Variants in IQUB observed in about 807,000 individuals in gnomAD.
The protein encoded by IQUB is IQ motif and ubiquitin domain containing.
In IQUB, 86 loss-of-function variants were observed where a neutral mutation model predicts 86.4. That is an observed-to-expected ratio of 1.00 (90% CI 0.84 to 1.19). The LOEUF is 1.19. Ranked by LOEUF, IQUB falls within the 50% of genes most tolerant of loss-of-function variation. The pLI, the probability that IQUB is intolerant of heterozygous loss-of-function variation, is 0.00. For synonymous variants in IQUB, 289 were observed against 304.5 expected, an observed-to-expected ratio of 0.95 and a Z score of 0.53; for missense variants, 946 against 916.9, an observed-to-expected ratio of 1.03 and a Z score of -0.41.
chr7:123,497,822 C>T (rs1249672882), intron 6 of IQUB, among the ~76,000 whole-genome samples: 1 of 150,518 alleles, frequency 6.6e-6, no homozygotes, highest in East Asian at 1.9e-4. Flanking sequence ...ACAAAAGAGG[C>T]CAGTAGAATT....
intron 1 of IQUB, among the ~76,000 whole-genome samples, chr7:123,518,816 A>G (rs1796769733): frequency 6.6e-6 from 1 of 151,294 alleles, no homozygotes; most frequent in South Asian, 2.1e-4. Context: ...CTGGTCTCAA[A>G]CTCCTGACCT....
chr7:123,471,249 T>C (rs1365206508), intron 8 of IQUB, among the ~76,000 whole-genome samples: 1 of 152,224 alleles, frequency 6.6e-6, no homozygotes, highest in Non-Finnish European at 1.5e-5. Context: ...TAATAAAATA[T>C]TTTATCATTC....
intron 1 of IQUB, among the ~76,000 whole-genome samples, chr7:123,518,739 G>A (rs992929078): frequency 5.3e-5 from 8 of 151,892 alleles, no homozygotes; most frequent in East Asian, 1.9e-4. Context: ...GATTACAGGC[G>A]CCCACCACCA....
chr7:123,532,819 C>A (rs1338777631), intron 1 of IQUB: 1 of 152,272 alleles, frequency 6.6e-6, no homozygotes, highest in Non-Finnish European at 1.5e-5. Flanking sequence ...CCCTCTGGGG[C>A]CTGCGAGCCC....
chr7:123,488,396 A>C (rs1795311563), intron 7 of IQUB, among the ~76,000 whole-genome samples: 1 of 151,948 alleles, frequency 6.6e-6, no homozygotes, highest in Non-Finnish European at 1.5e-5. Flanking sequence ...AGTACAGTAA[A>C]CCCCTACAGG....
intron 3 of IQUB, among the ~76,000 whole-genome samples, chr7:123,505,522 C>T (rs71574746): frequency 0.17 from 25,613 of 152,210 alleles, 2,383 homozygotes; most frequent in South Asian, 0.26. Flanking sequence ...TGCACCCACA[C>T]GCTTAATACC....
Position 123,465,006 on chromosome 7 carries a change from G to A in IQUB, c.1585C>T (p.His529Tyr). 1.3e-6 allele frequency: 2 copies of A among 1,561,944 alleles called. No homozygotes were observed. Among genetic ancestry groups the A allele is most frequent in the Non-Finnish European group, 1.7e-6 (2 of 1,153,254 alleles). Residue 529 changes from histidine to tyrosine, a missense_variant, in exon 10 of 13, where the codon CAT (histidine) becomes TAT (tyrosine). His to Tyr is a moderately conservative substitution (Grantham distance 83). Transcript: ENST00000324698. ...ATTTCCTGAGTTAGTTTACATTCAT[G>A]TTCCTATATAAAACACAAAAATATA... ...LLTLKHTVKE[H>Y]ECKLTQEILE...
intron 1 of IQUB, among the ~76,000 whole-genome samples, chr7:123,531,245 A>G (rs1439279699): frequency 6.6e-6 from 1 of 152,212 alleles, no homozygotes; most frequent in African/African-American, 2.4e-5. Flanking sequence ...GTGGTTCTCC[A>G]GATAACAATG....
intron 1 of IQUB, among the ~76,000 whole-genome samples, chr7:123,516,465 C>T (rs1367820766): frequency 6.6e-6 from 1 of 151,816 alleles, no homozygotes; most frequent in Non-Finnish European, 1.5e-5. Flanking sequence ...TTGTGCTATA[C>T]TTAATAAAGA....
chr7:123,461,250 T>A, intron 11 of IQUB, 107 bp downstream of exon 11: 1 of 1,143,710 alleles, frequency 8.7e-7, no homozygotes, highest in Non-Finnish European at 1.2e-6. Context: ...TCTAGTGGAA[T>A]AGAGAGTCAT....
chr7:123,510,390 C>T (rs1201100254), intron 2 of IQUB, among the ~76,000 whole-genome samples: 1 of 151,912 alleles, frequency 6.6e-6, no homozygotes, highest in East Asian at 1.9e-4. Context: ...AGAGAGTGTC[C>T]CAGAAGTTAG....
chr7:123,503,312 T>C lies in IQUB; in HGVS notation c.584A>G (p.Gln195Arg). ...ETLVQHGVKP[Q>R]EIVQVEIFST... ...AAAGATTTCCACTTGTACAATTTCC[T>C]GTGGCTTAACTCCATGTTGTACTAG... is the stretch of plus-strand genomic sequence containing the variant. Residue 195 changes from glutamine (Q) to arginine (R), a missense_variant, in exon 4 of 13, where the codon CAG (glutamine) becomes CGG (arginine). Coordinates refer to ENST00000324698, the MANE Select transcript of IQUB (RefSeq NM_178827.5). The C allele has an allele frequency of 6.2e-7, 1 of 1,600,598 alleles. No homozygotes were observed. The highest frequency in any genetic ancestry group is 8.6e-7 in the Non-Finnish European group (1 of 1,169,224).
chr7:123,481,222 T>G (rs532476625), intron 7 of IQUB, among the ~76,000 whole-genome samples: 1 of 152,222 alleles, frequency 6.6e-6, no homozygotes, highest in African/African-American at 2.4e-5. Flanking sequence ...TTCCTTTAGG[T>G]ATGTGAAGGG....
chr7:123,456,501 T>G (rs1451554952), intron 12 of IQUB: 1 of 152,064 alleles, frequency 6.6e-6, no homozygotes, highest in Non-Finnish European at 1.5e-5. Context: ...ATTTAAAAAC[T>G]AAAACTTTAG....
intron 7 of IQUB, among the ~76,000 whole-genome samples, chr7:123,485,331 C>A (rs1307555469): frequency 1.3e-5 from 2 of 151,916 alleles, no homozygotes; most frequent in Admixed American, 1.3e-4. Context: ...ATAAGTACAC[C>A]AGTTATATTG....
intron 7 of IQUB, among the ~76,000 whole-genome samples, chr7:123,488,815 A>G (rs1306889912): frequency 6.6e-6 from 1 of 152,232 alleles, no homozygotes; most frequent in Non-Finnish European, 1.5e-5. Flanking sequence ...GAGAGTTCAT[A>G]TATCCACCAG....
chr7:123,504,678 C>T (rs1001651147), intron 3 of IQUB, among the ~76,000 whole-genome samples: 1 of 152,122 alleles, frequency 6.6e-6, no homozygotes, highest in Non-Finnish European at 1.5e-5. Flanking sequence ...GAAATCCGCA[C>T]CCATGATCCA....
chr7:123,481,360 T>C (rs1175362787), intron 7 of IQUB, among the ~76,000 whole-genome samples: 1 of 152,134 alleles, frequency 6.6e-6, no homozygotes, highest in East Asian at 1.9e-4. Flanking sequence ...TAGTACCTCT[T>C]AAGATATGGC....
At chr7:123,484,129 T>C (rs975408651) in intron 7 of IQUB, among the ~76,000 whole-genome samples, 1 of 152,066 alleles carries the variant, frequency 6.6e-6, no homozygotes, top group Non-Finnish European at 1.5e-5. Context: ...TTTAAAAGAA[T>C]CCGCTCTGTC....
Sources: allele counts gnomAD v4.1 joint callset (sites outside exome capture counted in the v4.1 genomes callset), GRCh38; gene constraint gnomAD v4.1.1; transcripts MANE v1.5; gene names NCBI Gene and HGNC (gene_info 2026-07-23, HGNC 2026-07-21).